Variants in AKR1D1 observed in about 807,000 individuals in gnomAD.
AKR1D1 encodes aldo-keto reductase family 1 member D1.
AKR1D1 carries 32 observed loss-of-function variants against 42.6 expected under a neutral mutation model. The ratio of observed to expected loss-of-function variants is 0.75; its 90% CI spans 0.57 to 1.01. The LOEUF is 1.01. AKR1D1 is among the 50% of genes least tolerant of loss of function. The probability of loss-of-function intolerance (pLI) is 0.00; values close to 1 mark genes in which losing one functional copy is unlikely to be tolerated. For synonymous variants in AKR1D1, 123 were observed against 135.5 expected, an observed-to-expected ratio of 0.91 and a Z score of 0.64; for missense variants, 364 against 402.2, an observed-to-expected ratio of 0.91 and a Z score of 0.81.
At chr7:138,109,417 T>TAATC (rs1295072726) in intron 7 of AKR1D1, among the ~76,000 whole-genome samples, 4 of 152,164 alleles carry the variant, frequency 2.6e-5, no homozygotes, top group African/African-American at 9.7e-5. Context: ...AGCTCCAGGA[T>TAATC]AATCAATTAC....
chr7:138,106,171 T>C (rs1413011434), intron 5 of AKR1D1, among the ~76,000 whole-genome samples: 1 of 152,182 alleles, frequency 6.6e-6, no homozygotes, highest in Non-Finnish European at 1.5e-5. Context: ...TGAGTGCAAA[T>C]TGGTTCAGCC....
Position 138,105,370 on chromosome 7 carries a change from A to C in AKR1D1, c.520A>C (p.Arg174=). 1 of 1,614,134 alleles carries C rather than the reference A, an allele frequency of 6.2e-7. No individual in the cohort carries two copies. The highest frequency in any genetic ancestry group is 8.5e-7 in the Non-Finnish European group (1 of 1,180,036). ...KSLGVSNFNR[R]QLELILNKPG... is the part of the protein sequence containing the mutation. Reference sequence around the variant, plus strand: ...CCTGGGAGTGTCCAATTTTAACCGCAGGCAGCTGGAGCTCATCCTGAACAA... The same window carrying C: ...CCTGGGAGTGTCCAATTTTAACCGCCGGCAGCTGGAGCTCATCCTGAACAA... Residue 174 remains arginine, a synonymous_variant, in exon 5 of 9, where the codon AGG becomes CGG. Coordinates refer to ENST00000242375, the MANE Select transcript of AKR1D1 (RefSeq NM_005989.4).
At chr7:138,105,656 G>A (rs41274194) in intron 5 of AKR1D1, among the ~76,000 whole-genome samples, 3,441 of 152,242 alleles carry the variant, frequency 0.023, 64 homozygotes, top group Non-Finnish European at 0.033. Context: ...TTGGGAGGCC[G>A]AGGCAGGCGA....
chr7:138,076,463 T>C lies in AKR1D1; in HGVS notation c.-56T>C. ...TGATGGAATAGGCCCTAGGACACCT[T>C]TCTAAAAAGACTCCCTGTGGTGTTC... is the stretch of plus-strand genomic sequence containing the variant. On this transcript the variant is annotated 5_prime_UTR_variant, in exon 1 of 9. Coordinates refer to ENST00000242375, the MANE Select transcript of AKR1D1 (RefSeq NM_005989.4). The C allele has an allele frequency of 1.4e-6, 2 of 1,468,936 alleles. No individual in the cohort carries two copies. Among genetic ancestry groups the C allele is most frequent in the South Asian group, 2.3e-5 (2 of 87,500 alleles). 91.0% of individuals were successfully genotyped at this position (1,468,936 alleles called of 1,614,324 possible). A position where few individuals can be genotyped will look rare whatever the true frequency, so the allele number is the denominator to read the frequency against.
chr7:138,114,660 C>CA (rs34437071), intron 8 of AKR1D1, among the ~76,000 whole-genome samples: 3,524 of 87,258 alleles, frequency 0.04, 88 homozygotes, highest in African/African-American at 0.063. Context: ...AACTCCATCT[C>CA]AAAAAAAAAA....
chr7:138,098,065 A>G, intron 4 of AKR1D1, 122 bp downstream of exon 4: 1 of 815,284 alleles, frequency 1.2e-6, no homozygotes, highest in Non-Finnish European at 2.1e-6. Flanking sequence ...AACAGTCAGA[A>G]CAGGCATTCC....
intron 1 of AKR1D1, among the ~76,000 whole-genome samples, chr7:138,084,031 T>C (rs139263820): frequency 8.5e-5 from 13 of 152,248 alleles, no homozygotes; most frequent in Middle Eastern, 6.8e-3. Flanking sequence ...TGCTACCCAG[T>C]GACGATGTGA....
At chr7:138,083,404 T>TTTTTG (rs950952442) in intron 1 of AKR1D1, among the ~76,000 whole-genome samples, 29 of 152,164 alleles carry the variant, frequency 1.9e-4, no homozygotes, top group African/African-American at 6.0e-4. Flanking sequence ...TCTTTGGGGT[T>TTTTTG]TTTTGTTTTG....
At chr7:138,105,271 G>A (rs1794397323) in intron 4 of AKR1D1, 36 bp from the exon 5 acceptor site, 2 of 1,613,772 alleles carry the variant, frequency 1.2e-6, no homozygotes, top group Non-Finnish European at 1.7e-6. Flanking sequence ...CTTCTTGTGA[G>A]GCTTGTTTGT....
At chr7:138,086,653 T>C (rs1018024265) in intron 1 of AKR1D1, among the ~76,000 whole-genome samples, 1 of 152,228 alleles carries the variant, frequency 6.6e-6, no homozygotes, top group Non-Finnish European at 1.5e-5. Context: ...ACATTTCAGA[T>C]TTATTCTCTC....
intron 1 of AKR1D1, among the ~76,000 whole-genome samples, chr7:138,080,478 T>C (rs1803031419): frequency 6.6e-6 from 1 of 152,172 alleles, no homozygotes; most frequent in Non-Finnish European, 1.5e-5. Flanking sequence ...CAAGTAAAAA[T>C]ATAAGATGTC....
At chr7:138,101,766 TGAAA>T (rs1794323647) in intron 4 of AKR1D1, among the ~76,000 whole-genome samples, 1 of 152,272 alleles carries the variant, frequency 6.6e-6, no homozygotes, top group African/African-American at 2.4e-5. Context: ...AACTTATTAC[TGAAA>T]GAAATAAAAG....
intron 4 of AKR1D1, among the ~76,000 whole-genome samples, chr7:138,104,198 T>A (rs764306455): frequency 4.6e-5 from 7 of 152,136 alleles, no homozygotes; most frequent in Non-Finnish European, 7.4e-5. Flanking sequence ...TTTGACATAT[T>A]CCTTTCAGTT....
intron 4 of AKR1D1, among the ~76,000 whole-genome samples, chr7:138,105,001 C>T (rs1411642053): frequency 6.6e-6 from 1 of 152,090 alleles, no homozygotes; most frequent in African/African-American, 2.4e-5. Flanking sequence ...TCAAGTGATC[C>T]TCCTGCCTTG....
intron 7 of AKR1D1, among the ~76,000 whole-genome samples, chr7:138,111,707 G>A (rs1486402153): frequency 1.3e-5 from 2 of 152,296 alleles, no homozygotes; most frequent in Admixed American, 6.5e-5. Context: ...ATAATGTAGA[G>A]AGGGTGAATT....
intron 4 of AKR1D1, among the ~76,000 whole-genome samples, chr7:138,101,183 C>T (rs142981482): frequency 0.21 from 4,542 of 21,866 alleles, 225 homozygotes; most frequent in South Asian, 0.44. Flanking sequence ...CTCCCTCCCT[C>T]CCTCCCTCCC....
chr7:138,098,029 T>C (rs1211409131), intron 4 of AKR1D1, 86 bp downstream of exon 4: 6 of 1,038,304 alleles, frequency 5.8e-6, no homozygotes, highest in South Asian at 3.8e-5. Flanking sequence ...TGGAGAGAGA[T>C]GCACCCTTTA....
intron 1 of AKR1D1, among the ~76,000 whole-genome samples, chr7:138,079,768 T>C (rs1803014034): frequency 6.6e-6 from 1 of 152,218 alleles, no homozygotes. Context: ...GGATCTTATA[T>C]AACCCAGCTC....
chr7:138,077,551 A>C (rs572622804), intron 1 of AKR1D1, among the ~76,000 whole-genome samples: 1 of 152,224 alleles, frequency 6.6e-6, no homozygotes, highest in Non-Finnish European at 1.5e-5. Flanking sequence ...TAGAAATGGA[A>C]ATAATTAAAT....
Sources: allele counts gnomAD v4.1 joint callset (sites outside exome capture counted in the v4.1 genomes callset), GRCh38; gene constraint gnomAD v4.1.1; transcripts MANE v1.5; gene names NCBI Gene and HGNC (gene_info 2026-07-23, HGNC 2026-07-21).